The following CELF2 variants were observed in gnomAD, a reference collection of about 807,000 sequenced individuals.
The protein encoded by CELF2 is CUG triplet repeat RNA-binding protein 2.
A neutral mutation model predicts 62.6 loss-of-function variants in CELF2; 8 were observed. The ratio of observed to expected loss-of-function variants is 0.13; its 90% confidence interval spans 0.07 to 0.23. The LOEUF is 0.23. Among genes scored for constraint, CELF2 ranks in the 10% least tolerant of loss-of-function variants. CELF2 has a pLI of 1.00. For synonymous variants in CELF2, 258 were observed against 250.0 expected, an observed-to-expected ratio of 1.03 and a Z score of -0.30; for missense variants, 333 against 671.0, an observed-to-expected ratio of 0.50 and a Z score of 5.56.
the CELF2 span, among the ~76,000 whole-genome samples, chr10:10,664,487 A>C: frequency 6.6e-6 from 1 of 152,244 alleles, no homozygotes; most frequent in African/African-American, 2.4e-5. Flanking sequence ...TTACAAAGAC[A>C]CCACGTGAAT....
In CELF2 at chr10:11,214,786, T is replaced by A. The variant is rs2062866734; in HGVS notation, c.272-2639T>A. The stretch of plus-strand genomic sequence containing the variant: ...GAGTGTACACTTTTAACTGAAACAC[T>A]TAAGAACTATGCATAGTTGGAAGAG... On this transcript the variant is annotated intron_variant, in intron 2 of 12. Transcript: ENST00000633077. The surrounding 1 kb of genome is among the most constrained non-coding windows in gnomAD (Gnocchi z 4.2). 6.6e-6 allele frequency among the ~76,000 whole-genome samples: 1 copy of A among 152,246 alleles called. No homozygotes were observed.
At chr10:11,096,868 G>T (rs372600601) in intron 1 of CELF2, among the ~76,000 whole-genome samples, 3 of 152,192 alleles carry the variant, frequency 2.0e-5, no homozygotes, top group East Asian at 3.8e-4. Flanking sequence ...GGAAACTAAT[G>T]AGAATTCTAT....
chr10:10,739,337 A>T, the CELF2 span, among the ~76,000 whole-genome samples: 1 of 152,168 alleles, frequency 6.6e-6, no homozygotes, highest in Non-Finnish European at 1.5e-5. Flanking sequence ...TTGATGTTTC[A>T]TTGAAATCTT....
intron 2 of CELF2, chr10:11,168,843 A>G (rs535357823): frequency 6.6e-6 from 1 of 152,264 alleles, no homozygotes; most frequent in African/African-American, 2.4e-5. Flanking sequence ...CTATATTCTC[A>G]CTGTAGGGGC....
chr10:11,147,728 G>A (rs574325521), intron 1 of CELF2, among the ~76,000 whole-genome samples: 26 of 152,172 alleles, frequency 1.7e-4, no homozygotes, highest in Non-Finnish European at 3.4e-4. Flanking sequence ...ACATAATAAC[G>A]GTTTGCCGAT....
intron 1 of CELF2, among the ~76,000 whole-genome samples, chr10:10,832,878 G>C (rs1337667357): frequency 1.3e-5 from 2 of 152,172 alleles, no homozygotes. Flanking sequence ...TAAAGAATAA[G>C]ATGCTTCTGT....
intron 1 of CELF2, among the ~76,000 whole-genome samples, chr10:11,067,230 C>T (rs543787306): frequency 1.6e-4 from 24 of 152,178 alleles, no homozygotes; most frequent in Admixed American, 1.2e-3. Context: ...TGTAAGAGTA[C>T]GTAAATGTGT....
At chr10:11,288,111 C>T (rs576529845) in intron 8 of CELF2, among the ~76,000 whole-genome samples, 31 of 152,232 alleles carry the variant, frequency 2.0e-4, no homozygotes, top group Non-Finnish European at 4.1e-4. Flanking sequence ...GGCAGGAAGG[C>T]CTTGGGCTGA....
At chr10:11,144,226 C>G (rs892900201) in intron 1 of CELF2, among the ~76,000 whole-genome samples, 1 of 152,088 alleles carries the variant, frequency 6.6e-6, no homozygotes, top group Non-Finnish European at 1.5e-5. Flanking sequence ...AGAAAAGCAG[C>G]AGGCTTGTGA....
At chr10:11,169,141 T>A (rs2068078594) in intron 2 of CELF2, 1 of 152,236 alleles carries the variant, frequency 6.6e-6, no homozygotes, top group South Asian at 2.1e-4. Flanking sequence ...TGATGTGCTC[T>A]CCACAGAGCT....
At chr10:10,845,522 C>T (rs994939326) in intron 1 of CELF2, among the ~76,000 whole-genome samples, 2 of 152,056 alleles carry the variant, frequency 1.3e-5, no homozygotes, top group African/African-American at 4.8e-5. Context: ...AATTTCTGAG[C>T]TATCTCTTCC....
chr10:10,757,480 G>T, the CELF2 span, among the ~76,000 whole-genome samples: 9 of 151,964 alleles, frequency 5.9e-5, no homozygotes, highest in Non-Finnish European at 1.2e-4. Flanking sequence ...GAATAAAATA[G>T]ACTAACTCTG....
chr10:10,519,002 A>C, the CELF2 span, among the ~76,000 whole-genome samples: 1 of 152,248 alleles, frequency 6.6e-6, no homozygotes, highest in South Asian at 2.1e-4. Context: ...AAGAATAAAC[A>C]GAATACCAGG....
At chr10:11,186,301 T>C (rs1460677164) in intron 2 of CELF2, among the ~76,000 whole-genome samples, 1 of 151,004 alleles carries the variant, frequency 6.6e-6, no homozygotes. Flanking sequence ...TGTTGCTTTT[T>C]TTTTTTTTTT....
the CELF2 span, among the ~76,000 whole-genome samples, chr10:10,609,052 C>T: frequency 6.6e-6 from 1 of 152,162 alleles, no homozygotes; most frequent in African/African-American, 2.4e-5. Context: ...TCTGGGAGAA[C>T]CATTGCTCTT....
At chr10:11,055,515 A>G (rs966214532) in intron 1 of CELF2, among the ~76,000 whole-genome samples, 6 of 152,252 alleles carry the variant, frequency 3.9e-5, no homozygotes, top group African/African-American at 1.4e-4. Context: ...CTCCTTTCAG[A>G]ATCTTTCCTC....
At position 10,904,120 on chromosome 10, in the gene CELF2, C is replaced by T. The variant is rs150665883; in HGVS notation, c.54-15844C>T. Among the ~76,000 whole-genome samples the T allele has an allele frequency of 1.1e-4, 16 of 152,324 alleles. No individual in the cohort carries two copies. The East Asian group carries it at 3.1e-3, about 29-fold the overall frequency. On this transcript the variant is annotated intron_variant, in intron 1 of 13. Coordinates refer to the CELF2 transcript ENST00000636488. ...AAATGTACCCATGGAATATTTTATT[C>T]ATCTGTGTCTTTTATTTTTAAACAC...
At chr10:10,757,156 C>A in the CELF2 span, among the ~76,000 whole-genome samples, 2 of 151,798 alleles carry the variant, frequency 1.3e-5, no homozygotes, top group Middle Eastern at 3.4e-3. Context: ...ACAAAACACA[C>A]AAACAAACAA....
At chr10:10,786,781 GA>G in the CELF2 span, 1 of 152,152 alleles carries the variant, frequency 6.6e-6, no homozygotes, top group African/African-American at 2.4e-5. Flanking sequence ...GTGAAAATCT[GA>G]AAGACAGTGA....
Sources: gnomAD v4.1 joint callset for allele counts (sites outside exome capture counted in the v4.1 genomes callset) on GRCh38, gnomAD v4.1.1 for gene constraint, Gnocchi (gnomAD v3.1) non-coding constraint, MANE v1.5 for transcripts, NCBI Gene and HGNC (gene_info 2026-07-23, HGNC 2026-07-21) for gene names.